The following SESTD1 variants were observed in gnomAD, a reference collection of about 807,000 sequenced individuals.
The protein encoded by SESTD1 is SEC14 domain and spectrin repeat-containing protein 1.
Under a neutral mutation model 101.7 loss-of-function variants are expected in SESTD1, and 43 were observed. The observed-to-expected ratio is 0.42, with a 90% CI of 0.33 to 0.55. The LOEUF is 0.55. Among genes scored for constraint, SESTD1 ranks in the 20% least tolerant of loss-of-function variants. The pLI is 0.07. For synonymous variants in SESTD1, 283 were observed against 286.8 expected, an observed-to-expected ratio of 0.99 and a Z score of 0.13; for missense variants, 647 against 815.1, an observed-to-expected ratio of 0.79 and a Z score of 2.51.
intron 1 of SESTD1, among the ~76,000 whole-genome samples, chr2:179,241,096 A>C (rs1319813306): frequency 1.3e-5 from 2 of 152,230 alleles, no homozygotes; most frequent in Non-Finnish European, 2.9e-5. Context: ...AGTAAATGGG[A>C]TAAAAAGCAG....
chr2:179,120,859 C>T (rs192177069), intron 13 of SESTD1, among the ~76,000 whole-genome samples: 175 of 152,216 alleles, frequency 1.1e-3, no homozygotes, highest in Admixed American at 5.4e-3. Flanking sequence ...AAGAGGAAGA[C>T]GTACCCATAT....
intron 5 of SESTD1, among the ~76,000 whole-genome samples, chr2:179,156,652 G>C (rs1302861449): frequency 1.3e-5 from 2 of 152,042 alleles, no homozygotes; most frequent in Non-Finnish European, 2.9e-5. Context: ...CATGTCCTTA[G>C]CCTACTTTTT....
At position 179,135,089 on chromosome 2, in the gene SESTD1, C is replaced by T. The variant is rs377055343; in HGVS notation, c.850-2663G>A. Among the ~76,000 whole-genome samples, 11 of 152,058 alleles carry T rather than the reference C, an allele frequency of 7.2e-5. No individual in the cohort carries two copies. In the East Asian group the frequency reaches 9.7e-4, roughly 13 times the overall value. ...CCTCCTGAGTAGCTGGGATTACAGG[C>T]GCCCGCCACCACACCTGGCTAATTT... On this transcript the variant is annotated intron_variant, in intron 9 of 17. Transcript: ENST00000428443.
intron 5 of SESTD1, among the ~76,000 whole-genome samples, chr2:179,167,850 C>T (rs1169840850): frequency 1.3e-5 from 2 of 151,986 alleles, no homozygotes; most frequent in Non-Finnish European, 2.9e-5. Context: ...GCAACCTGGG[C>T]CTCCTGGGTT....
At chr2:179,201,601 T>G (rs1317188148) in intron 1 of SESTD1, among the ~76,000 whole-genome samples, 4 of 127,768 alleles carry the variant, frequency 3.1e-5, no homozygotes, top group Non-Finnish European at 4.9e-5. Context: ...CCATAAAAAA[T>G]GATGAGTTCA....
chr2:179,233,262 T>G (rs1045590563), intron 1 of SESTD1, among the ~76,000 whole-genome samples: 1 of 152,152 alleles, frequency 6.6e-6, no homozygotes, highest in South Asian at 2.1e-4. Context: ...TTTATAGTGT[T>G]AAGGATTAGC....
At chr2:179,115,022 A>G in intron 16 of SESTD1, 43 bp downstream of exon 16, 1 of 1,529,724 alleles carries the variant, frequency 6.5e-7, no homozygotes, top group Non-Finnish European at 8.9e-7. Flanking sequence ...AAACACATAT[A>G]ATCAATACCA....
chr2:179,211,476 T>C (rs2046650110), intron 1 of SESTD1, among the ~76,000 whole-genome samples: 1 of 133,114 alleles, frequency 7.5e-6, no homozygotes, highest in South Asian at 2.9e-4. Context: ...CACAGACCAG[T>C]GGAACAAAAT....
intron 2 of SESTD1, among the ~76,000 whole-genome samples, chr2:179,191,448 A>C (rs2046318472): frequency 2.6e-5 from 4 of 152,140 alleles, no homozygotes; most frequent in Admixed American, 2.6e-4. Flanking sequence ...AGAGAAGGGG[A>C]AAAGGGCTGA....
chr2:179,233,958 CCA>C (rs1185353795), intron 1 of SESTD1, among the ~76,000 whole-genome samples: 2 of 152,126 alleles, frequency 1.3e-5, no homozygotes, highest in Admixed American at 6.5e-5. Flanking sequence ...CTTGACTGGG[CCA>C]CAGTGTGTCC....
chr2:179,121,199 T>C (rs1464183938), intron 13 of SESTD1, among the ~76,000 whole-genome samples: 2 of 152,240 alleles, frequency 1.3e-5, no homozygotes, highest in Admixed American at 1.3e-4. Context: ...CCATGCTAGA[T>C]TGTGTATATT....
intron 1 of SESTD1, among the ~76,000 whole-genome samples, chr2:179,194,584 C>T (rs915132846): frequency 4.6e-5 from 7 of 152,092 alleles, no homozygotes; most frequent in African/African-American, 1.7e-4. Flanking sequence ...GAAGTGCATA[C>T]CCCAAACCCC....
intron 5 of SESTD1, among the ~76,000 whole-genome samples, chr2:179,156,427 C>T (rs1333692516): frequency 6.6e-6 from 1 of 152,150 alleles, no homozygotes; most frequent in Admixed American, 6.5e-5. Flanking sequence ...TCCATAGTGG[C>T]TGTACTAGTT....
chr2:179,190,544 C>A (rs1375893297), intron 2 of SESTD1, among the ~76,000 whole-genome samples: 1 of 151,824 alleles, frequency 6.6e-6, no homozygotes, highest in Non-Finnish European at 1.5e-5. Context: ...AAAAGTAGGA[C>A]GTAATTAAAC....
In SESTD1 at chr2:179,264,760, C is replaced by A. The variant is rs1032619711; in HGVS notation, c.-287G>T. 2.6e-5 allele frequency: 4 copies of A among 151,716 alleles called. No individual in the cohort carries two copies. The highest frequency in any genetic ancestry group is 9.7e-5 in the African/African-American group (4 of 41,278). 9.4% of individuals were successfully genotyped at this position (151,716 alleles called of 1,614,324 possible). ...GACCTCTCGGCACCCGCGGCCCGAG[C>A]CGCGTCCGCGCGACCCCGCGCGCGC... On this transcript the variant is annotated 5_prime_UTR_variant, in exon 1 of 18. Transcript: ENST00000428443.
At chr2:179,134,932 G>C (rs575737216) in intron 9 of SESTD1, among the ~76,000 whole-genome samples, 19 of 151,994 alleles carry the variant, frequency 1.3e-4, no homozygotes, top group African/African-American at 4.6e-4. Flanking sequence ...CAAACTATTG[G>C]TTTTTTTGTT....
intron 1 of SESTD1, among the ~76,000 whole-genome samples, chr2:179,232,747 C>T (rs138166204): frequency 2.0e-5 from 3 of 152,054 alleles, no homozygotes; most frequent in African/African-American, 7.2e-5. Context: ...ACTGTTAAGT[C>T]GGAAAAACAA....
At chr2:179,162,194 C>A (rs1201701363) in intron 5 of SESTD1, among the ~76,000 whole-genome samples, 1 of 152,046 alleles carries the variant, frequency 6.6e-6, no homozygotes, top group East Asian at 1.9e-4. Context: ...ACTGACAAAT[C>A]TCCCAAACTA....
At chr2:179,197,281 C>G (rs1054555831) in intron 1 of SESTD1, among the ~76,000 whole-genome samples, 2 of 151,950 alleles carry the variant, frequency 1.3e-5, no homozygotes, top group Non-Finnish European at 2.9e-5. Context: ...AACAAATGAG[C>G]AAAGCCTCCA....
Sources: gnomAD v4.1 joint callset for allele counts (sites outside exome capture counted in the v4.1 genomes callset) on GRCh38, gnomAD v4.1.1 for gene constraint, MANE v1.5 for transcripts, NCBI Gene and HGNC (gene_info 2026-07-23, HGNC 2026-07-21) for gene names.